Variants in NRG1 observed in about 807,000 individuals in gnomAD.
The protein encoded by NRG1 is neuregulin 1, also known as pro-neuregulin-1, membrane-bound isoform.
NRG1 carries 18 observed loss-of-function variants against 63.8 expected under a neutral mutation model. The observed-to-expected ratio is 0.28, with a 90% CI of 0.19 to 0.42. The LOEUF (loss-of-function observed/expected upper bound fraction) is 0.42. Ranked by LOEUF, NRG1 falls within the 10% of genes least tolerant of loss-of-function variation. The pLI, the probability that NRG1 is intolerant of heterozygous loss-of-function variation, is 1.00. For missense variants in NRG1, 762 were observed against 814.7 expected (o/e 0.94, Z 0.79); for synonymous variants, 302 against 301.3 (o/e 1.00, Z -0.02).
chr8:32,113,649 A>C (rs1832330526), intron 1 of NRG1, among the ~76,000 whole-genome samples: 1 of 152,204 alleles, frequency 6.6e-6, no homozygotes, highest in Admixed American at 6.5e-5. Flanking sequence ...TTGAAAGGTT[A>C]TTACAAGGAA....
intron 1 of NRG1, among the ~76,000 whole-genome samples, chr8:32,227,836 A>G (rs1380028626): frequency 1.3e-5 from 2 of 152,210 alleles, no homozygotes; most frequent in Non-Finnish European, 2.9e-5. Flanking sequence ...TGACAAAAAG[A>G]AAAAATGAGT....
At chr8:31,900,437 C>T (rs1360881104) in intron 1 of NRG1, among the ~76,000 whole-genome samples, 1 of 152,116 alleles carries the variant, frequency 6.6e-6, no homozygotes, top group Non-Finnish European at 1.5e-5. Flanking sequence ...AAAATAATCT[C>T]CTAGGGAAGG....
chr8:32,610,554 C>T (rs1846200751), intron 3 of NRG1, among the ~76,000 whole-genome samples: 1 of 152,258 alleles, frequency 6.6e-6, no homozygotes, highest in Non-Finnish European at 1.5e-5. Flanking sequence ...TTAGGAAATT[C>T]CCCTTGAAAC....
In NRG1 at chr8:32,446,999, T is replaced by TTTTATTTATTTATTTATTTA. The variant is rs67102016; in HGVS notation, c.38-148817_38-148798dup. On this transcript the variant is annotated intron_variant, in intron 1 of 10. Coordinates refer to the NRG1 transcript ENST00000519301. The stretch of plus-strand genomic sequence containing the variant: ...TTAGCGCTCAGAAAACTAAAATACT[T>TTTTATTTATTTATTTATTTA]TTTATTTATTTATTTATTTATTTAT... Among the ~76,000 whole-genome samples, 174 of 146,420 alleles carry TTTTATTTATTTATTTATTTA rather than the reference T, an allele frequency of 1.2e-3. 1 individual carries two copies. Among genetic ancestry groups the TTTTATTTATTTATTTATTTA allele is most frequent in the East Asian group, 3.6e-3 (18 of 4,958 alleles).
At chr8:31,768,176 C>G (rs1402191095) in intron 1 of NRG1, among the ~76,000 whole-genome samples, 1 of 152,132 alleles carries the variant, frequency 6.6e-6, no homozygotes. Flanking sequence ...CATCAAGTCA[C>G]TATGCTAATG....
At chr8:31,863,431 C>G (rs113995132) in intron 1 of NRG1, among the ~76,000 whole-genome samples, 1 of 152,114 alleles carries the variant, frequency 6.6e-6, no homozygotes, top group East Asian at 1.9e-4. Flanking sequence ...AGATATGTGT[C>G]TAAGAGGCTG....
intron 1 of NRG1, among the ~76,000 whole-genome samples, chr8:31,703,423 C>G (rs1810823842): frequency 6.6e-6 from 1 of 151,918 alleles, no homozygotes; most frequent in Non-Finnish European, 1.5e-5. Context: ...TAAATTAAAG[C>G]TCACTTAAAA....
At chr8:32,480,478 CA>C (rs1014859270) in intron 1 of NRG1, among the ~76,000 whole-genome samples, 1 of 77,596 alleles carries the variant, frequency 1.3e-5, no homozygotes, top group Non-Finnish European at 2.9e-5. Flanking sequence ...CACAGAAAAA[CA>C]AAAACAAAAA....
intron 1 of NRG1, among the ~76,000 whole-genome samples, chr8:32,286,933 G>T (rs1012306914): frequency 6.6e-6 from 1 of 152,018 alleles, no homozygotes; most frequent in Admixed American, 6.5e-5. Context: ...GGAGGCAGAG[G>T]TTGCAGTGAG....
chr8:32,474,909 G>T (rs1448637425), intron 1 of NRG1, among the ~76,000 whole-genome samples: 1 of 152,046 alleles, frequency 6.6e-6, no homozygotes, highest in Non-Finnish European at 1.5e-5. Context: ...TCGATTTGAG[G>T]ATTATTGGTT....
At chr8:32,101,294 A>G (rs949439498) in intron 1 of NRG1, among the ~76,000 whole-genome samples, 9 of 152,020 alleles carry the variant, frequency 5.9e-5, no homozygotes, top group Admixed American at 1.3e-4. Context: ...GGGGCTCACA[A>G]TCTCAGTGGA....
At chr8:31,808,004 T>C (rs1490194286) in intron 1 of NRG1, among the ~76,000 whole-genome samples, 2 of 151,984 alleles carry the variant, frequency 1.3e-5, no homozygotes, top group African/African-American at 4.8e-5. Flanking sequence ...CATCTGTTGA[T>C]GAACATTTAG....
At chr8:32,756,476 G>T in exon 9 of NRG1, 3 of 1,613,558 alleles carry the variant, frequency 1.9e-6, no homozygotes, top group East Asian at 4.5e-5. Context: ...GATGAACATT[G>T]CCAATGGGCC....
At chr8:32,198,851 TTAC>T (rs201797074) in intron 1 of NRG1, among the ~76,000 whole-genome samples, 2,954 of 152,006 alleles carry the variant, frequency 0.019, 92 homozygotes, top group African/African-American at 0.066. Context: ...GTTCATTTAT[TTAC>T]TACGTTTCTG....
chr8:32,436,967 T>A (rs142428675), intron 1 of NRG1, among the ~76,000 whole-genome samples: 42 of 152,032 alleles, frequency 2.8e-4, no homozygotes, highest in African/African-American at 9.4e-4. Context: ...CAATCCCCAT[T>A]ACAACTCTCC....
At chr8:32,226,270 C>T (rs978921086) in intron 1 of NRG1, among the ~76,000 whole-genome samples, 1 of 152,046 alleles carries the variant, frequency 6.6e-6, no homozygotes, top group Admixed American at 6.5e-5. Context: ...GCTATTTTTT[C>T]CCTTCAATCA....
intron 1 of NRG1, among the ~76,000 whole-genome samples, chr8:31,651,248 G>T (rs62506869): frequency 6.6e-6 from 1 of 151,998 alleles, no homozygotes; most frequent in Admixed American, 6.5e-5. Flanking sequence ...ATTTGCATTC[G>T]CTGGCATCGT....
chr8:32,254,450 C>G (rs973337220), intron 1 of NRG1, among the ~76,000 whole-genome samples: 1 of 152,154 alleles, frequency 6.6e-6, no homozygotes, highest in African/African-American at 2.4e-5. Flanking sequence ...AGTAGTCATT[C>G]AGGAGCAGGT....
intron 1 of NRG1, among the ~76,000 whole-genome samples, chr8:32,107,151 G>A (rs1456913275): frequency 6.6e-5 from 10 of 151,998 alleles, no homozygotes; most frequent in South Asian, 4.2e-4. Context: ...CAGGAGTATC[G>A]CTTGAACCCA....
Sources: allele counts gnomAD v4.1 joint callset (sites outside exome capture counted in the v4.1 genomes callset), GRCh38; gene constraint gnomAD v4.1.1; transcripts MANE v1.5; gene names NCBI Gene and HGNC (gene_info 2026-07-23, HGNC 2026-07-21).